Variants in NR3C1 observed in about 807,000 individuals in gnomAD.
The protein encoded by NR3C1 is glucocorticoid receptor.
In NR3C1, 14 loss-of-function variants were observed where a neutral mutation model predicts 74.0. The observed-to-expected ratio is 0.19, with a 90% CI of 0.12 to 0.30. The LOEUF is 0.30. Among genes scored for constraint, NR3C1 ranks in the 10% least tolerant of loss-of-function variants. The probability of loss-of-function intolerance (pLI) is 1.00; values close to 1 mark genes in which losing one functional copy is unlikely to be tolerated. For synonymous variants in NR3C1, 308 were observed against 332.5 expected, an observed-to-expected ratio of 0.93 and a Z score of 0.80; for missense variants, 695 against 909.8, an observed-to-expected ratio of 0.76 and a Z score of 3.04.
At chr5:143,333,760 C>T (rs113479733) in intron 2 of NR3C1, among the ~76,000 whole-genome samples, 4 of 151,938 alleles carry the variant, frequency 2.6e-5, no homozygotes, top group Non-Finnish European at 5.9e-5. Flanking sequence ...GAGCGAGACT[C>T]CATCTCAAAA....
At chr5:143,344,544 T>A (rs577774982) in intron 2 of NR3C1, among the ~76,000 whole-genome samples, 42 of 152,272 alleles carry the variant, frequency 2.8e-4, no homozygotes, top group African/African-American at 9.9e-4. Context: ...TGAATAATGT[T>A]TTGTTCAACA....
chr5:143,431,297 CTA>C (rs1751807945), intron 1 of NR3C1, among the ~76,000 whole-genome samples: 1 of 152,120 alleles, frequency 6.6e-6, no homozygotes, highest in African/African-American at 2.4e-5. Context: ...CACTGCAAAC[CTA>C]TGTCTGAGAA....
At chr5:143,297,622 TC>T (rs1740689339) in intron 6 of NR3C1, among the ~76,000 whole-genome samples, 1 of 152,222 alleles carries the variant, frequency 6.6e-6, no homozygotes, top group Non-Finnish European at 1.5e-5. Flanking sequence ...ACTTCTGTTT[TC>T]TATACAAACA....
At chr5:143,392,745 A>G (rs918921759) in intron 2 of NR3C1, among the ~76,000 whole-genome samples, 14 of 152,200 alleles carry the variant, frequency 9.2e-5, no homozygotes, top group Non-Finnish European at 1.5e-4. Flanking sequence ...TTAGGTAAAA[A>G]AAAATTAACA....
intron 2 of NR3C1, among the ~76,000 whole-genome samples, chr5:143,380,720 G>A (rs1836058865): frequency 6.6e-6 from 1 of 152,142 alleles, no homozygotes; most frequent in South Asian, 2.1e-4. Flanking sequence ...GCATTTTTCA[G>A]CTCCTCTTCA....
intron 7 of NR3C1, 75 bp downstream of exon 7, chr5:143,295,385 T>C: frequency 6.3e-7 from 1 of 1,582,928 alleles, no homozygotes; most frequent in Non-Finnish European, 8.6e-7. Flanking sequence ...TAGTACTATG[T>C]ATATAAATTA....
chr5:143,428,430 C>A (rs1380869668), intron 1 of NR3C1, among the ~76,000 whole-genome samples: 1 of 152,202 alleles, frequency 6.6e-6, no homozygotes, highest in African/African-American at 2.4e-5. Context: ...TTCCCTTCTG[C>A]TTTTAGGATA....
chr5:143,418,276 A>G (rs943733886), intron 1 of NR3C1, among the ~76,000 whole-genome samples: 5 of 152,212 alleles, frequency 3.3e-5, no homozygotes, highest in African/African-American at 1.2e-4. Context: ...TAATTTCACA[A>G]TCACAGTTTG....
intron 2 of NR3C1, among the ~76,000 whole-genome samples, chr5:143,352,483 C>T (rs1561645511): frequency 6.6e-6 from 1 of 152,076 alleles, no homozygotes; most frequent in East Asian, 1.9e-4. Flanking sequence ...ATCCATATTA[C>T]TGAACTCTCA....
rs760763228 is a variant in NR3C1, at chr5:143,400,256, T to C, written c.584A>G (p.Gln195Arg). ...TTDQSTFDIL[Q>R]DLEFSSGSPG... is the part of the protein sequence containing the mutation. ...GGACCCAGAAGAAAACTCCAAATCC[T>C]GCAAAATGTCAAAGGTGCTTTGGTC... Residue 195 changes from glutamine to arginine, a missense_variant, in exon 2 of 9, where the codon CAG (glutamine) becomes CGG (arginine). Gln to Arg is a conservative substitution (Grantham distance 43). Around this residue, in one of 4 missense-constraint regions of NR3C1, gnomAD observed 497 missense variants for 489.5 expected, o/e 1.02. Coordinates refer to ENST00000394464, the MANE Select transcript of NR3C1 (RefSeq NM_000176.3). 3 of 1,597,420 alleles carry C rather than the reference T, an allele frequency of 1.9e-6. No individual in the cohort carries two copies. In the East Asian group the frequency reaches 6.7e-5, roughly 36 times the overall value.
intron 4 of NR3C1, among the ~76,000 whole-genome samples, chr5:143,303,816 A>G (rs777926398): frequency 3.3e-5 from 5 of 151,876 alleles, no homozygotes; most frequent in Admixed American, 1.3e-4. Context: ...CACATAACAA[A>G]AAAAATAATG....
intron 2 of NR3C1, among the ~76,000 whole-genome samples, chr5:143,392,463 G>A (rs1314269478): frequency 6.6e-6 from 1 of 151,714 alleles, no homozygotes; most frequent in East Asian, 1.9e-4. Context: ...GATACATGAG[G>A]AACTAACATA....
chr5:143,372,599 T>C (rs1302097788), intron 2 of NR3C1, among the ~76,000 whole-genome samples: 1 of 152,236 alleles, frequency 6.6e-6, no homozygotes, highest in Non-Finnish European at 1.5e-5. Context: ...GGCGGACTAC[T>C]GCATAAATTT....
At chr5:143,318,309 T>C (rs1023281985) in intron 2 of NR3C1, among the ~76,000 whole-genome samples, 5 of 152,146 alleles carry the variant, frequency 3.3e-5, no homozygotes, top group African/African-American at 1.2e-4. Flanking sequence ...ATTTCGTTTT[T>C]TAAAGGTTTT....
chr5:143,305,873 T>C (rs852976), intron 4 of NR3C1, among the ~76,000 whole-genome samples: 79,836 of 151,870 alleles, frequency 0.53, 21,534 homozygotes, highest in East Asian at 0.75. Context: ...CATGTACCCC[T>C]AGAATCTAAA....
intron 1 of NR3C1, among the ~76,000 whole-genome samples, chr5:143,418,446 T>C (rs1751035862): frequency 1.3e-5 from 2 of 152,220 alleles, no homozygotes; most frequent in South Asian, 4.1e-4. Context: ...GGACTTTCCC[T>C]TCCCTTCTTT....
chr5:143,338,760 T>C (rs1827656099), intron 2 of NR3C1, among the ~76,000 whole-genome samples: 1 of 152,188 alleles, frequency 6.6e-6, no homozygotes, highest in Admixed American at 6.5e-5. Flanking sequence ...AAAATTTTTC[T>C]ATAAATTTAG....
chr5:143,382,134 C>T (rs1409249282), intron 2 of NR3C1, among the ~76,000 whole-genome samples: 1 of 152,048 alleles, frequency 6.6e-6, no homozygotes, highest in African/African-American at 2.4e-5. Context: ...AAAAGACATA[C>T]AAATGGCCAA....
intron 2 of NR3C1, among the ~76,000 whole-genome samples, chr5:143,360,347 T>C (rs1015446269): frequency 2.6e-5 from 4 of 152,260 alleles, no homozygotes; most frequent in African/African-American, 9.6e-5. Flanking sequence ...TTTCTGTGAC[T>C]TTCTGTGCTA....
Sources: allele counts gnomAD v4.1 joint callset (sites outside exome capture counted in the v4.1 genomes callset), GRCh38; gene constraint gnomAD v4.1.1; regional missense constraint gnomAD v4.1.1; transcripts MANE v1.5; gene names NCBI Gene and HGNC (gene_info 2026-07-23, HGNC 2026-07-21).